The following BBC3 variants were observed in gnomAD, a reference collection of about 807,000 sequenced individuals.
The protein encoded by BBC3 is bcl-2-binding component 3.
Under a neutral mutation model 18.2 loss-of-function variants are expected in BBC3, and 5 were observed. The ratio of observed to expected loss-of-function variants is 0.27; its 90% CI spans 0.14 to 0.58. The LOEUF (loss-of-function observed/expected upper bound fraction) is 0.58. Ranked by LOEUF, BBC3 falls within the 20% of genes least tolerant of loss-of-function variation. The pLI is 0.91. For missense variants in BBC3, 224 were observed against 268.9 expected (o/e 0.83, Z 1.17); for synonymous variants, 119 against 128.0 (o/e 0.93, Z 0.47).
Position 47,221,573 on chromosome 19 carries a change from C to T in BBC3, c.*229G>A, listed in dbSNP as rs944149403. The T allele has an allele frequency of 4.6e-6, 4 of 873,348 alleles. No homozygotes were observed. The African/African-American group carries it at 6.9e-5, about 15-fold the overall frequency. The allele number at this position is 873,348 out of a possible 1,614,324, so 54.1% of individuals were successfully genotyped here. A position where few individuals can be genotyped will look rare whatever the true frequency, so the allele number is the denominator to read the frequency against. On this transcript the variant is annotated 3_prime_UTR_variant, in exon 4 of 4. Transcript: ENST00000439096. ...TTCCGATGCTGAGTCCATCAGCCGT[C>T]CCTCTCCTGGCTTCTTGGCCAGGGA...
chr19:47,231,480 GAC>G (rs1016258399), upstream of BBC3, among the ~76,000 whole-genome samples: 4 of 151,630 alleles, frequency 2.6e-5, no homozygotes, highest in African/African-American at 7.3e-5. The surrounding 1 kb of genome is among the most constrained non-coding windows in gnomAD (Gnocchi z 4.0). Context: ...GGGACAGTCG[GAC>G]ACACACACTG....
intron 1 of BBC3, among the ~76,000 whole-genome samples, chr19:47,229,529 C>T (rs1245769680): frequency 6.6e-6 from 1 of 151,794 alleles, no homozygotes; most frequent in African/African-American, 2.4e-5. Context: ...CAGCAGCACA[C>T]ACACCTAGCG....
chr19:47,230,960 C>A lies in BBC3; in HGVS notation c.-47G>T. On this transcript the variant is annotated 5_prime_UTR_variant, in exon 1 of 4. Coordinates refer to ENST00000439096, the MANE Select transcript of BBC3 (RefSeq NM_014417.5). The surrounding 1 kb of genome is among the most constrained non-coding windows in gnomAD (Gnocchi z 6.7). The stretch of plus-strand genomic sequence containing the variant: ...GGCATGAACACGCCGGAGGGGGCGG[C>A]GGTGGGGGGCGGGCGGCTTCCTTCA... The A allele has an allele frequency of 1.0e-6, 1 of 982,998 alleles. No individual in the cohort carries two copies. Among genetic ancestry groups the A allele is most frequent in the Non-Finnish European group, 1.2e-6 (1 of 827,748 alleles). The allele number at this position is 982,998 out of a possible 1,614,324, so 60.9% of individuals were successfully genotyped here. A position where few individuals can be genotyped will look rare whatever the true frequency, so the allele number is the denominator to read the frequency against.
intron 1 of BBC3, among the ~76,000 whole-genome samples, chr19:47,229,819 TAC>T (rs920305755): frequency 4.0e-5 from 6 of 148,826 alleles, no homozygotes; most frequent in Non-Finnish European, 9.0e-5. Flanking sequence ...CACACATACA[TAC>T]ACACACACAC....
rs990534054 is a variant in BBC3, at chr19:47,221,268, G to A, written c.*534C>T. 5.3e-5 allele frequency: 9 copies of A among 171,410 alleles called. No homozygotes were observed. The highest frequency in any genetic ancestry group is 8.7e-5 in the Non-Finnish European group (7 of 80,690). 10.6% of individuals were successfully genotyped at this position (171,410 alleles called of 1,614,324 possible). A position where few individuals can be genotyped will look rare whatever the true frequency, so the allele number is the denominator to read the frequency against. On this transcript the variant is annotated 3_prime_UTR_variant, in exon 4 of 4. Coordinates refer to ENST00000439096, the MANE Select transcript of BBC3 (RefSeq NM_014417.5). ...GGCTCAGGGAAGATGGCTGGGCGCC[G>A]GGCTGGAGCAACCGGCAAACGAGCC...
chr19:47,225,060 T>C (rs1485771899), intron 3 of BBC3, among the ~76,000 whole-genome samples: 7 of 152,018 alleles, frequency 4.6e-5, no homozygotes, highest in Non-Finnish European at 7.4e-5. Context: ...TACAGGCATG[T>C]GCCACCACGC....
chr19:47,225,418 C>A (rs2058802841), intron 3 of BBC3, among the ~76,000 whole-genome samples: 2 of 151,648 alleles, frequency 1.3e-5, no homozygotes, highest in Non-Finnish European at 2.9e-5. Flanking sequence ...AGTTCAGTGA[C>A]CCTTCATGGC....
intron 3 of BBC3, among the ~76,000 whole-genome samples, chr19:47,224,673 AAATG>A (rs1023725528): frequency 2.0e-5 from 3 of 152,194 alleles, no homozygotes; most frequent in African/African-American, 7.2e-5. Context: ...ATCAATGAGA[AAATG>A]AATAAGGATA....
rs2058908335 is a variant in BBC3, at chr19:47,231,070, G to C, written c.-157C>G. On this transcript the variant is annotated 5_prime_UTR_variant, in exon 1 of 4. Transcript: ENST00000439096. This position sits in a 1 kb window ranked among gnomAD's most constrained non-coding sequence, Gnocchi z 4.0. ...TGCTGCCGCTCTAACTGCAGTGGCG[G>C]CTGCTGTGGCTGTGGCTGCTGCTGC... 1 of 962,266 alleles carries C rather than the reference G, an allele frequency of 1.0e-6. No homozygotes were observed. The highest frequency in any genetic ancestry group is 1.2e-6 in the Non-Finnish European group (1 of 808,146). 59.6% of individuals were successfully genotyped at this position (962,266 alleles called of 1,614,324 possible). A position where few individuals can be genotyped will look rare whatever the true frequency, so the allele number is the denominator to read the frequency against.
chr19:47,228,050 C>A lies in BBC3; in HGVS notation c.274+108G>T. The A allele has an allele frequency of 1.1e-6, 1 of 937,370 alleles. No individual in the cohort carries two copies. Among genetic ancestry groups the A allele is most frequent in the Non-Finnish European group, 1.4e-6 (1 of 728,268 alleles). 58.1% of individuals were successfully genotyped at this position (937,370 alleles called of 1,614,324 possible). On this transcript the variant is annotated intron_variant, in intron 2 of 3. Coordinates refer to ENST00000439096, the MANE Select transcript of BBC3 (RefSeq NM_014417.5). This position sits in a 1 kb window ranked among gnomAD's most constrained non-coding sequence, Gnocchi z 5.5. ...TGGCCACACCCTCCCAGTGGCCCGGCTGGGCCCGCCACCTCCCCCCGTCCT... is the reference window on the plus strand; with the variant it reads ...TGGCCACACCCTCCCAGTGGCCCGGATGGGCCCGCCACCTCCCCCCGTCCT...
chr19:47,230,645 G>A lies in BBC3; in HGVS notation c.-16+284C>T. The A allele has an allele frequency of 1.2e-6, 1 of 849,224 alleles. No homozygotes were observed. The highest frequency in any genetic ancestry group is 1.4e-6 in the Non-Finnish European group (1 of 705,952). The allele number at this position is 849,224 out of a possible 1,614,324, so 52.6% of individuals were successfully genotyped here. On this transcript the variant is annotated intron_variant, in intron 1 of 3. Coordinates refer to ENST00000439096, the MANE Select transcript of BBC3 (RefSeq NM_014417.5). The surrounding 1 kb of genome is among the most constrained non-coding windows in gnomAD (Gnocchi z 6.7). ...CCTGGGGTCGACCCTCTTCCCCGGG[G>A]CCGCACTGGCCGCCAGGGGGCGCTG...
chr19:47,228,495 C>T lies in BBC3; in HGVS notation c.-15-49G>A. On this transcript the variant is annotated intron_variant, in intron 1 of 3. Transcript: ENST00000439096. The surrounding 1 kb of genome is among the most constrained non-coding windows in gnomAD (Gnocchi z 5.5). ...AGGTCAGCAGGGAAGTACCAGGGCC[C>T]ACTGTACCTCCAGCCTACCCGGGGT... 8.1e-7 allele frequency: 1 copy of T among 1,227,550 alleles called. No homozygotes were observed. The highest frequency in any genetic ancestry group is 1.0e-6 in the Non-Finnish European group (1 of 984,406). The allele number at this position is 1,227,550 out of a possible 1,614,324, so 76.0% of individuals were successfully genotyped here. A position where few individuals can be genotyped will look rare whatever the true frequency, so the allele number is the denominator to read the frequency against.
At chr19:47,224,016 C>T (rs1332102203) in intron 3 of BBC3, among the ~76,000 whole-genome samples, 4 of 152,022 alleles carry the variant, frequency 2.6e-5, no homozygotes, top group Admixed American at 6.6e-5. Context: ...AAATAATGGC[C>T]GGGCGCAGTG....
upstream of BBC3, chr19:47,232,735 C>CTTACTGGGTCTT (rs762545524): frequency 8.3e-4 from 629 of 759,092 alleles, 2 homozygotes; most frequent in Non-Finnish European, 9.1e-4. Flanking sequence ...ACTTTCCATC[C>CTTACTGGGTCTT]TTACTGGGTC....
Position 47,228,761 on chromosome 19 carries a change from A to T in BBC3, c.-15-315T>A, listed in dbSNP as rs2058873329. Among the ~76,000 whole-genome samples the T allele has an allele frequency of 6.6e-6, 1 of 152,004 alleles. No homozygotes were observed. The highest frequency in any genetic ancestry group is 1.5e-5 in the Non-Finnish European group (1 of 67,988). Reference sequence around the variant, plus strand: ...CAGGTGTGTGTATGAGGGCTGTGACAGTCCCACAACACAAACTCACTCCAC... The same window carrying T: ...CAGGTGTGTGTATGAGGGCTGTGACTGTCCCACAACACAAACTCACTCCAC... On this transcript the variant is annotated intron_variant, in intron 1 of 3. Transcript: ENST00000439096. This position sits in a 1 kb window ranked among gnomAD's most constrained non-coding sequence, Gnocchi z 5.5.
At position 47,228,108 on chromosome 19, in the gene BBC3, C is replaced by T. The variant is rs2058859818; in HGVS notation, c.274+50G>A. ...TTCTCCAGTTCCTCCGAGTCTCCAG[C>T]CCTCTCTCTTCCCGGCTCCTATCAC... On this transcript the variant is annotated intron_variant, in intron 2 of 3. Transcript: ENST00000439096. This position sits in a 1 kb window ranked among gnomAD's most constrained non-coding sequence, Gnocchi z 5.5. 1 of 1,210,972 alleles carries T rather than the reference C, an allele frequency of 8.3e-7. No homozygotes were observed. The highest frequency in any genetic ancestry group is 1.6e-5 in the African/African-American group (1 of 63,982). The allele number at this position is 1,210,972 out of a possible 1,614,324, so 75.0% of individuals were successfully genotyped here.
At chr19:47,232,449 G>A, upstream of BBC3, 7 of 1,428,844 alleles carry the variant, frequency 4.9e-6, no homozygotes, top group Non-Finnish European at 6.7e-6. Flanking sequence ...AGTCACACCT[G>A]TGACAGCTTC....
In BBC3 at chr19:47,221,665, C is replaced by T. The variant is rs989046061; in HGVS notation, c.*137G>A. Reference sequence around the variant, plus strand: ...TGGGGCTGGAGTGGCTGCCCCGGCCCGCCCCCGGGACAGGCAGGGCTGGGA... The same window carrying T: ...TGGGGCTGGAGTGGCTGCCCCGGCCTGCCCCCGGGACAGGCAGGGCTGGGA... On this transcript the variant is annotated 3_prime_UTR_variant, in exon 4 of 4. Coordinates refer to ENST00000439096, the MANE Select transcript of BBC3 (RefSeq NM_014417.5). 8 of 1,517,148 alleles carry T rather than the reference C, an allele frequency of 5.3e-6. No individual in the cohort carries two copies. Among genetic ancestry groups the T allele is most frequent in the Non-Finnish European group, 7.0e-6 (8 of 1,136,222 alleles). 94.0% of individuals were successfully genotyped at this position (1,517,148 alleles called of 1,614,324 possible).
upstream of BBC3, chr19:47,231,208 C>G (rs1484025604): frequency 1.9e-5 from 19 of 982,100 alleles, no homozygotes; most frequent in African/African-American, 3.5e-5. The surrounding 1 kb of genome is among the most constrained non-coding windows in gnomAD (Gnocchi z 4.0). Flanking sequence ...TCAGGCCGCC[C>G]GGCGGATCCC....
Sources: gnomAD v4.1 joint callset for allele counts (sites outside exome capture counted in the v4.1 genomes callset) on GRCh38, gnomAD v4.1.1 for gene constraint, Gnocchi (gnomAD v3.1) non-coding constraint, MANE v1.5 for transcripts, NCBI Gene and HGNC (gene_info 2026-07-23, HGNC 2026-07-21) for gene names.